CEP120: variants seen among roughly 807,000 people sequenced by gnomAD.
CEP120 encodes centrosomal protein of 120 kDa.
A neutral mutation model predicts 126.5 loss-of-function variants in CEP120; 113 were observed. The observed-to-expected ratio is 0.89, with a 90% CI of 0.77 to 1.04. The LOEUF is 1.04. CEP120 is among the 50% of genes least tolerant of loss of function. The probability of loss-of-function intolerance (pLI) is 0.00; values close to 1 mark genes in which losing one functional copy is unlikely to be tolerated. For synonymous variants in CEP120, 400 were observed against 394.3 expected (o/e 1.01, Z -0.17); for missense variants, 1,230 against 1,155.7 (o/e 1.06, Z -0.93).
chr5:123,392,619 T>G (rs1772478907), intron 6 of CEP120, among the ~76,000 whole-genome samples: 1 of 152,144 alleles, frequency 6.6e-6, no homozygotes, highest in East Asian at 1.9e-4. Flanking sequence ...CAAGCAGTCC[T>G]TCCACCTCAC....
Position 123,381,758 on chromosome 5 carries a change from C to T in CEP120, c.2103+353G>A, listed in dbSNP as rs188551023. Among the ~76,000 whole-genome samples, 22 of 124,502 alleles carry T rather than the reference C, an allele frequency of 1.8e-4. No homozygotes were observed. The East Asian group carries it at 5.1e-3, about 29-fold the overall frequency. 81.7% of individuals were successfully genotyped at this position (124,502 alleles called of 152,430 possible). On this transcript the variant is annotated intron_variant, in intron 14 of 19. Transcript: ENST00000306467. ...ATTCATTTTTGTATATTCATATACA[C>T]ACACACATATTTTTTTTTAAGAGAT...
chr5:123,415,929 G>T (rs887645681), intron 3 of CEP120, 81 bp downstream of exon 3: 9 of 906,282 alleles, frequency 9.9e-6, no homozygotes, highest in Admixed American at 4.2e-5. Flanking sequence ...AGTATTTCAT[G>T]TCCTTTTCAT....
rs778872126 is a variant in CEP120, at chr5:123,416,045, C to T, written c.286G>A (p.Val96Ile). Reference sequence around the variant, plus strand: ...TCTTGAGCGGTTCTTAAATCCAGAACGATGTAACCTATGGTTTCCTTGGCT... The same window carrying T: ...TCTTGAGCGGTTCTTAAATCCAGAATGATGTAACCTATGGTTTCCTTGGCT... ...TSAKETIGYI[V>I]LDLRTAQETK... is the part of the protein sequence containing the mutation. The change falls in exon 3 of 20, where the codon GTT becomes ATT. Residue 96 changes from valine (V) to isoleucine (I), a missense_variant. Coordinates refer to ENST00000306467, the MANE Select transcript of CEP120 (RefSeq NM_001375405.1). 3.7e-6 allele frequency: 6 copies of T among 1,613,824 alleles called. No individual in the cohort carries two copies. The highest frequency in any genetic ancestry group is 1.6e-4 in the Middle Eastern group (1 of 6,084).
intron 4 of CEP120, among the ~76,000 whole-genome samples, chr5:123,406,412 T>C (rs1773668729): frequency 1.3e-5 from 2 of 149,400 alleles, no homozygotes; most frequent in African/African-American, 4.9e-5. Flanking sequence ...AAAAACTTGC[T>C]GCTAGGCATC....
intron 4 of CEP120, among the ~76,000 whole-genome samples, chr5:123,406,835 T>A (rs1008467123): frequency 2.6e-5 from 4 of 151,968 alleles, no homozygotes; most frequent in Non-Finnish European, 4.4e-5. Context: ...TATTTTTTAT[T>A]CTTAATTGAT....
chr5:123,369,957 C>A (rs913767367), intron 17 of CEP120, among the ~76,000 whole-genome samples: 2 of 151,960 alleles, frequency 1.3e-5, no homozygotes, highest in African/African-American at 4.8e-5. Flanking sequence ...AGCAACTTAA[C>A]ATCTCAAAAC....
intron 16 of CEP120, among the ~76,000 whole-genome samples, chr5:123,375,265 C>T (rs1771132018): frequency 6.6e-6 from 1 of 151,974 alleles, no homozygotes; most frequent in Admixed American, 6.6e-5. Context: ...TTCTTCCCAC[C>T]AAAGTTAGTT....
intron 1 of CEP120, 84 bp from the exon 2 acceptor site, chr5:123,418,599 G>GTTTT: frequency 1.3e-5 from 11 of 865,958 alleles, no homozygotes; most frequent in African/African-American, 1.8e-5. Context: ...TGTTTGGCTG[G>GTTTT]TTTTTTTTTT....
At position 123,418,242 on chromosome 5, in the gene CEP120, T is replaced by C. The variant is rs1454590764; in HGVS notation, c.206+117A>G. On this transcript the variant is annotated intron_variant, in intron 2 of 19. Transcript: ENST00000306467. Reference sequence around the variant, plus strand: ...CAAGGTATCTTTGATTATGCAGATATTCCAAAAATCCGAAAATACTTCTGG... The same window carrying C: ...CAAGGTATCTTTGATTATGCAGATACTCCAAAAATCCGAAAATACTTCTGG... 6 of 901,556 alleles carry C rather than the reference T, an allele frequency of 6.7e-6. No individual in the cohort carries two copies. In the Admixed American group the frequency reaches 2.0e-4, roughly 30 times the overall value. The allele number at this position is 901,556 out of a possible 1,614,324, so 55.8% of individuals were successfully genotyped here. A position where few individuals can be genotyped will look rare whatever the true frequency, so the allele number is the denominator to read the frequency against.
intron 3 of CEP120, 105 bp from the exon 4 acceptor site, chr5:123,412,645 T>TTA (rs1350906658): frequency 1.3e-6 from 1 of 753,932 alleles, no homozygotes; most frequent in Admixed American, 4.0e-5. Context: ...TTTTCAGTAC[T>TTA]TTATAAACAA....
chr5:123,386,796 T>C (rs1328102583), intron 9 of CEP120, 129 bp from the exon 10 acceptor site: 4 of 665,488 alleles, frequency 6.0e-6, no homozygotes, highest in Admixed American at 4.2e-5. Context: ...AATAGAAACA[T>C]GGTAGACATA....
chr5:123,416,136 CAT>C lies in CEP120; in HGVS notation c.207-14_207-13del, dbSNP rs148094575. 1.4e-4 allele frequency: 215 copies of C among 1,496,256 alleles called. No individual in the cohort carries two copies. Among genetic ancestry groups the C allele is most frequent in the South Asian group, 8.0e-4 (68 of 85,132 alleles). 92.7% of individuals were successfully genotyped at this position (1,496,256 alleles called of 1,614,324 possible). The stretch of plus-strand genomic sequence containing the variant: ...GAGTACGCTGTAGCCTATAACAAAA[CAT>C]GTGATAAATAAAATGGTTTTTGCTT... On this transcript the variant is annotated splice_polypyrimidine_tract_variant and intron_variant, in intron 2 of 19. Transcript: ENST00000306467.
rs577167540 is a variant in CEP120 at position 123,401,475 on chromosome 5, G to A, written c.464-2191C>T. 8.2e-5 allele frequency: 104 copies of A among 1,269,992 alleles called. No individual in the cohort carries two copies. In the African/African-American group the frequency reaches 1.1e-3, roughly 13 times the overall value. The allele number at this position is 1,269,992 out of a possible 1,614,324, so 78.7% of individuals were successfully genotyped here. A position where few individuals can be genotyped will look rare whatever the true frequency, so the allele number is the denominator to read the frequency against. On this transcript the variant is annotated intron_variant, in intron 4 of 19. Transcript: ENST00000306467. ...TCCCCATGCTTCCCAGCCAGACTCT[G>A]CAGCTCCTCATCCTTGATCTGGTAC...
chr5:123,420,072 C>G (rs1309629157), intron 1 of CEP120, among the ~76,000 whole-genome samples: 1 of 152,164 alleles, frequency 6.6e-6, no homozygotes, highest in Non-Finnish European at 1.5e-5. Flanking sequence ...TGAGTTAAAG[C>G]CTGAGGCTCT....
In CEP120 at chr5:123,382,763, T is replaced by C; in HGVS notation, c.1987A>G (p.Met663Val). ...AALELEMWKE[M>V]QEDIFENQLK... Reference sequence around the variant, plus strand: ...TGATTTTCAAATATATCTTCTTGCATCTCCTTCCACATTTCTAGCTCAAGT... The same window carrying C: ...TGATTTTCAAATATATCTTCTTGCACCTCCTTCCACATTTCTAGCTCAAGT... Residue 663 changes from methionine (M) to valine (V), a missense_variant, in exon 13 of 20, where the codon ATG becomes GTG. Coordinates refer to ENST00000306467, the MANE Select transcript of CEP120 (RefSeq NM_001375405.1). The C allele has an allele frequency of 1.2e-6, 2 of 1,612,456 alleles. No individual in the cohort carries two copies. Among genetic ancestry groups the C allele is most frequent in the Non-Finnish European group, 8.5e-7 (1 of 1,179,358 alleles).
intron 11 of CEP120, 98 bp from the exon 12 acceptor site, chr5:123,383,180 C>T (rs1171179350): frequency 2.5e-5 from 17 of 686,552 alleles, no homozygotes; most frequent in Admixed American, 9.4e-5. Flanking sequence ...AAGTAAGCAA[C>T]ATTTTCTGCT....
intron 4 of CEP120, among the ~76,000 whole-genome samples, chr5:123,400,757 A>AGG (rs370820670): frequency 1.2e-4 from 18 of 148,596 alleles, no homozygotes; most frequent in African/African-American, 4.2e-4. Context: ...GCATGGGCAA[A>AGG]GGGGGGGTCC....
chr5:123,413,589 C>A (rs1019552932), intron 3 of CEP120, among the ~76,000 whole-genome samples: 2 of 152,090 alleles, frequency 1.3e-5, no homozygotes, highest in Admixed American at 1.3e-4. Flanking sequence ...TTGGAAACAG[C>A]ATTTTTTACT....
intron 11 of CEP120, among the ~76,000 whole-genome samples, chr5:123,384,613 A>G (rs143367698): frequency 0.028 from 4,219 of 152,252 alleles, 77 homozygotes; most frequent in Middle Eastern, 0.037. Context: ...AATACATTAT[A>G]AAGTTTAACC....
Sources: gnomAD v4.1 joint callset for allele counts (sites outside exome capture counted in the v4.1 genomes callset) on GRCh38, gnomAD v4.1.1 for gene constraint, MANE v1.5 for transcripts, NCBI Gene and HGNC (gene_info 2026-07-23, HGNC 2026-07-21) for gene names.